PHKA2: variants seen among roughly 807,000 people sequenced by gnomAD.
PHKA2 encodes phosphorylase b kinase regulatory subunit alpha, liver isoform.
A neutral mutation model predicts 102.0 loss-of-function variants in PHKA2; 31 were observed. The ratio of observed to expected loss-of-function variants is 0.30; its 90% CI spans 0.23 to 0.41. The LOEUF (loss-of-function observed/expected upper bound fraction) is 0.41. Ranked by LOEUF, PHKA2 falls within the 10% of genes least tolerant of loss-of-function variation. The pLI is 1.00. For synonymous variants in PHKA2, 455 were observed against 416.2 expected (o/e 1.09, Z -1.13); for missense variants, 858 against 1,023.1 (o/e 0.84, Z 2.20).
intron 13 of PHKA2, 43 bp downstream of exon 13, chrX:18,929,185 G>T: frequency 1.1e-6 from 1 of 884,947 alleles, no homozygotes; most frequent in Non-Finnish European, 1.6e-6. Flanking sequence ...AAATAACATT[G>T]GTTTTACAAA....
At chrX:18,894,473 T>G (rs1261696747) in intron 31 of PHKA2, 69 bp from the exon 32 acceptor site, 3 of 946,039 alleles carry the variant, frequency 3.2e-6, no homozygotes, top group Non-Finnish European at 4.5e-6. Flanking sequence ...AATCACCGAG[T>G]AACCAAGGGT....
At chrX:18,906,192 T>C (rs1325759611) in intron 25 of PHKA2, among the ~76,000 whole-genome samples, 1 of 112,247 alleles carries the variant, frequency 8.9e-6, no homozygotes, top group African/African-American at 3.2e-5. Flanking sequence ...TGACATCTCA[T>C]AGCAAGGGCA....
intron 32 of PHKA2, 23 bp downstream of exon 32, chrX:18,894,181 A>G: frequency 8.4e-7 from 1 of 1,192,297 alleles, no homozygotes. Context: ...ATGCCAGCCA[A>G]CCCAGCTCCC....
intron 22 of PHKA2, 148 bp downstream of exon 22, chrX:18,907,752 C>T: frequency 1.7e-6 from 1 of 575,486 alleles, no homozygotes; most frequent in Non-Finnish European, 2.9e-6. Context: ...GAGCAGCAGG[C>T]AGGCAGGAGA....
intron 13 of PHKA2, among the ~76,000 whole-genome samples, chrX:18,928,851 G>A (rs762398036): frequency 5.3e-5 from 6 of 112,858 alleles, no homozygotes; most frequent in Non-Finnish European, 9.4e-5. Flanking sequence ...GGTGAAAGGC[G>A]GAAAGATGTC....
At chrX:18,939,946 T>A in intron 9 of PHKA2, 49 bp downstream of exon 9, 2 of 851,395 alleles carry the variant, frequency 2.3e-6, no homozygotes, top group South Asian at 4.0e-5. Flanking sequence ...ATTGGCAACT[T>A]AGAGATGAAA....
intron 9 of PHKA2, among the ~76,000 whole-genome samples, chrX:18,939,703 C>T (rs891265161): frequency 3.6e-5 from 4 of 111,389 alleles, no homozygotes; most frequent in East Asian, 2.8e-4. Flanking sequence ...CTGTGTTAGC[C>T]GGGATGGTCT....
intron 19 of PHKA2, among the ~76,000 whole-genome samples, chrX:18,918,231 T>C (rs6629306): frequency 0.17 from 19,140 of 111,745 alleles, 3,690 homozygotes; most frequent in African/African-American, 0.57. Context: ...AAAGCCAGGG[T>C]AACTTTACCT....
At chrX:18,933,372 T>C (rs2048345625) in intron 11 of PHKA2, among the ~76,000 whole-genome samples, 1 of 112,884 alleles carries the variant, frequency 8.9e-6, no homozygotes, top group South Asian at 3.6e-4. Context: ...CCTGCTAACC[T>C]GCAAGCTCAC....
rs960621991 is a variant in PHKA2 at position 18,897,181 on chromosome X, C to A, written c.3264G>T (p.Val1088=). The A allele has an allele frequency of 5.0e-6, 6 of 1,211,681 alleles. No individual in the cohort carries two copies. The Admixed American group carries it at 1.3e-4, about 26-fold the overall frequency. ...GGCTTACCTTCTGGAGGATCTTCCA[C>A]ACCCTCTGGTAGAATCCCACGGGGA... The part of the protein sequence containing the change: ...NRVPVGFYQR[V]WKILQKCHGL... The change falls in exon 30 of 33, where the codon GTG becomes GTT. Residue 1088 remains valine (V), a synonymous_variant. Coordinates refer to ENST00000379942, the MANE Select transcript of PHKA2 (RefSeq NM_000292.3).
At chrX:18,947,495 G>A (rs994127919) in intron 5 of PHKA2, among the ~76,000 whole-genome samples, 3 of 112,283 alleles carry the variant, frequency 2.7e-5, no homozygotes, top group African/African-American at 3.2e-5. Context: ...TGGTTGGGGC[G>A]ACGCTCATGG....
intron 21 of PHKA2, 41 bp downstream of exon 21, chrX:18,908,760 G>A: frequency 2.9e-6 from 3 of 1,040,386 alleles, no homozygotes; most frequent in Non-Finnish European, 4.1e-6. Flanking sequence ...ATCTGTTCAT[G>A]GTATTTTGTT....
intron 9 of PHKA2, 111 bp downstream of exon 9, chrX:18,939,884 C>A: frequency 3.2e-6 from 2 of 630,205 alleles, no homozygotes; most frequent in Non-Finnish European, 5.4e-6. Context: ...ATTAATACTT[C>A]CCTTTCCAAT....
At chrX:18,975,020 C>T (rs2049067045) in intron 1 of PHKA2, among the ~76,000 whole-genome samples, 1 of 110,908 alleles carries the variant, frequency 9.0e-6, no homozygotes, top group African/African-American at 3.3e-5. Flanking sequence ...CGTCTCGTCT[C>T]AGGGCCTTTT....
At chrX:18,899,268 C>G (rs1450131414) in intron 28 of PHKA2, 42 bp from the exon 29 acceptor site, 1 of 1,062,429 alleles carries the variant, frequency 9.4e-7, no homozygotes, top group Non-Finnish European at 1.3e-6. Flanking sequence ...AGCAATGACA[C>G]CAAGAGACAC....
chrX:18,903,065 CTG>C lies in PHKA2; in HGVS notation c.2909-1464_2909-1463del, dbSNP rs753208992. Among the ~76,000 whole-genome samples the C allele has an allele frequency of 2.7e-5, 3 of 112,184 alleles. No individual in the cohort carries two copies. In the South Asian group the frequency reaches 1.1e-3, roughly 42 times the overall value. On this transcript the variant is annotated intron_variant, in intron 26 of 32. Transcript: ENST00000379942. Reference sequence around the variant, plus strand: ...ATTCTTCCAGTTTTTTTCCCTATGACTGTGTATGTTTTTAACTAACAAAACAG... The same window carrying C: ...ATTCTTCCAGTTTTTTTCCCTATGACTGTATGTTTTTAACTAACAAAACAG...
At chrX:18,923,873 T>C (rs2048166139) in intron 17 of PHKA2, among the ~76,000 whole-genome samples, 183 bp downstream of exon 17, 1 of 112,019 alleles carries the variant, frequency 8.9e-6, no homozygotes, top group Non-Finnish European at 1.9e-5. Context: ...AGCCGAGTGC[T>C]GTTTCAGAGA....
Position 18,905,096 on chromosome X carries a change from T to C in PHKA2, c.2908+662A>G, listed in dbSNP as rs547194205. ...TGTGAGGCCGGGTTGAGAATGTTTT[T>C]ACCCAAACCAAAGGGCAGGATGCTC... On this transcript the variant is annotated intron_variant, in intron 26 of 32. Transcript: ENST00000379942. Among the ~76,000 whole-genome samples, 15 of 111,906 alleles carry C rather than the reference T, an allele frequency of 1.3e-4. No homozygotes were observed. The South Asian group carries it at 5.3e-3, about 39-fold the overall frequency.
chrX:18,929,922 G>A (rs1272007380), intron 12 of PHKA2, among the ~76,000 whole-genome samples: 1 of 112,172 alleles, frequency 8.9e-6, no homozygotes, highest in Non-Finnish European at 1.9e-5. Context: ...TTGGCTGTAG[G>A]TCATAAGGGC....
Sources: gnomAD v4.1 joint callset for allele counts (sites outside exome capture counted in the v4.1 genomes callset) on GRCh38, gnomAD v4.1.1 for gene constraint, MANE v1.5 for transcripts, NCBI Gene and HGNC (gene_info 2026-07-23, HGNC 2026-07-21) for gene names.